DAOA: variants seen among roughly 807,000 people sequenced by gnomAD.
DAOA encodes D-amino acid oxidase activator.
A neutral mutation model predicts 16.4 loss-of-function variants in DAOA; 15 were observed. The ratio of observed to expected loss-of-function variants is 0.91; its 90% CI spans 0.61 to 1.41. The LOEUF is 1.41. Among genes scored for constraint, DAOA ranks in the 40% most tolerant of loss-of-function variants. The probability of loss-of-function intolerance (pLI) is 0.00; values close to 1 mark genes in which losing one functional copy is unlikely to be tolerated. For synonymous variants in DAOA, 75 were observed against 59.1 expected (o/e 1.27, Z -1.23); for missense variants, 230 against 176.8 (o/e 1.30, Z -1.71).
intron 4 of DAOA, among the ~76,000 whole-genome samples, chr13:105,481,448 C>T (rs1048727059): frequency 8.5e-5 from 13 of 152,104 alleles, no homozygotes; most frequent in African/African-American, 2.4e-4. Context: ...ATACTGTCTG[C>T]CCCACTCTCT....
At chr13:105,487,706 C>T (rs1878232225) in intron 4 of DAOA, among the ~76,000 whole-genome samples, 1 of 151,968 alleles carries the variant, frequency 6.6e-6, no homozygotes, top group African/African-American at 2.4e-5. Context: ...AAATATACTA[C>T]ATACTATTTT....
At chr13:105,474,445 G>A (rs972639857) in intron 4 of DAOA, among the ~76,000 whole-genome samples, 2 of 151,972 alleles carry the variant, frequency 1.3e-5, no homozygotes, top group Non-Finnish European at 2.9e-5. Flanking sequence ...GCACTATTCT[G>A]CTTCTTCAAA....
chr13:105,487,477 T>G (rs893759081), intron 4 of DAOA, among the ~76,000 whole-genome samples: 1 of 152,134 alleles, frequency 6.6e-6, no homozygotes, highest in African/African-American at 2.4e-5. Flanking sequence ...TCTTTGGAAT[T>G]TACATTTTAG....
chr13:105,482,601 C>G (rs531280265), intron 4 of DAOA, among the ~76,000 whole-genome samples: 1 of 151,946 alleles, frequency 6.6e-6, no homozygotes, highest in South Asian at 2.1e-4. Flanking sequence ...CCTCCGCCTC[C>G]CAGGTACAAG....
chr13:105,487,011 C>T (rs574350406), intron 4 of DAOA, among the ~76,000 whole-genome samples: 2 of 152,218 alleles, frequency 1.3e-5, no homozygotes, highest in Middle Eastern at 6.8e-3. Flanking sequence ...CATGGGTAAC[C>T]TTAGTCATCC....
chr13:105,486,621 C>T (rs9555174), intron 4 of DAOA, among the ~76,000 whole-genome samples: 108,271 of 137,940 alleles, frequency 0.78, 39,389 homozygotes, highest in East Asian at 0.88. Context: ...TTCTTTCTTT[C>T]TTTTTTTTTC....
chr13:105,490,829 A>G (rs990926994), intron 5 of DAOA, 83 bp from the exon 6 acceptor site: 19 of 152,104 alleles, frequency 1.2e-4, no homozygotes, highest in African/African-American at 4.6e-4. Context: ...ATTTTAAAAT[A>G]CCTACTCAGA....
intron 4 of DAOA, among the ~76,000 whole-genome samples, chr13:105,484,582 G>C (rs892654113): frequency 6.6e-6 from 1 of 151,980 alleles, no homozygotes; most frequent in Non-Finnish European, 1.5e-5. Flanking sequence ...GCTATTATAA[G>C]TACAATTTTT....
At chr13:105,482,293 A>G (rs928247998) in intron 4 of DAOA, among the ~76,000 whole-genome samples, 3 of 152,062 alleles carry the variant, frequency 2.0e-5, no homozygotes, top group African/African-American at 7.2e-5. Flanking sequence ...TGCCTTATTT[A>G]ACTAAATTCC....
At chr13:105,468,036 G>A (rs1239174662) in intron 3 of DAOA, among the ~76,000 whole-genome samples, 3 of 152,124 alleles carry the variant, frequency 2.0e-5, no homozygotes, top group Non-Finnish European at 4.4e-5. Context: ...GAGGCCTCCT[G>A]CATGCCTTGG....
chr13:105,486,235 G>A (rs1353874050), intron 4 of DAOA, among the ~76,000 whole-genome samples: 1 of 151,910 alleles, frequency 6.6e-6, no homozygotes, highest in Admixed American at 6.6e-5. Context: ...TTCTTCATAC[G>A]CGCTCACTCA....
intron 4 of DAOA, among the ~76,000 whole-genome samples, chr13:105,473,156 AGTGT>A (rs10691575): frequency 1.1e-4 from 17 of 149,186 alleles, no homozygotes; most frequent in African/African-American, 2.7e-4. Flanking sequence ...CCTACGTGAG[AGTGT>A]GTGTGTGTGT....
rs571447262 is a variant in DAOA at position 105,480,123 on chromosome 13, A to G, written c.281+7438A>G. On this transcript the variant is annotated intron_variant, in intron 4 of 5. Transcript: ENST00000375936. ...AGTATTTATCATTTTAGTACATAAC[A>G]ATATTCAGCCAGTCACATCTTATAA... Among the ~76,000 whole-genome samples, 48 of 152,310 alleles carry G rather than the reference A, an allele frequency of 3.2e-4. 1 individual carries two copies. The Middle Eastern group carries it at 0.01, about 32-fold the overall frequency.
intron 4 of DAOA, among the ~76,000 whole-genome samples, chr13:105,487,775 A>G (rs1878236597): frequency 6.6e-6 from 1 of 152,194 alleles, no homozygotes; most frequent in Non-Finnish European, 1.5e-5. Flanking sequence ...TTTGGGCTAA[A>G]CATAAAATAT....
intron 4 of DAOA, among the ~76,000 whole-genome samples, chr13:105,487,525 C>G (rs1878212132): frequency 6.6e-6 from 1 of 151,338 alleles, no homozygotes; most frequent in Non-Finnish European, 1.5e-5. Flanking sequence ...TCCCTTTGTT[C>G]CTACAAAATA....
intron 3 of DAOA, 26 bp from the exon 4 acceptor site, chr13:105,472,512 A>G: frequency 1.9e-6 from 3 of 1,607,702 alleles, no homozygotes; most frequent in African/African-American, 1.3e-5. Context: ...AATATGTATT[A>G]TATATCCACT....
chr13:105,472,734 C>T (rs1877058586), intron 4 of DAOA, 49 bp downstream of exon 4: 2 of 1,548,430 alleles, frequency 1.3e-6, no homozygotes, highest in East Asian at 2.3e-5. Context: ...AAGCTAAATG[C>T]TAATGTTGGA....
At chr13:105,466,929 A>T in intron 2 of DAOA, 124 bp from the exon 3 acceptor site, 1 of 1,250,806 alleles carries the variant, frequency 8.0e-7, no homozygotes, top group Non-Finnish European at 1.0e-6. Flanking sequence ...TGAATAGTTA[A>T]GATTAAAAAT....
chr13:105,486,658 G>A (rs1039059598), intron 4 of DAOA, among the ~76,000 whole-genome samples: 1 of 148,394 alleles, frequency 6.7e-6, no homozygotes, highest in African/African-American at 2.5e-5. Context: ...CACTCTTGTT[G>A]CCCAGGCTGG....
Sources: allele counts gnomAD v4.1 joint callset (sites outside exome capture counted in the v4.1 genomes callset), GRCh38; gene constraint gnomAD v4.1.1; transcripts MANE v1.5; gene names NCBI Gene and HGNC (gene_info 2026-07-23, HGNC 2026-07-21).